GALK1: variants seen among roughly 807,000 people sequenced by gnomAD.
GALK1 encodes the protein galactokinase.
Under a neutral mutation model 38.6 loss-of-function variants are expected in GALK1, and 30 were observed. The ratio of observed to expected loss-of-function variants is 0.78; its 90% CI spans 0.58 to 1.05. The LOEUF is 1.05. Ranked by LOEUF, GALK1 falls within the 50% of genes least tolerant of loss-of-function variation. GALK1 has a pLI of 0.00. For synonymous variants in GALK1, 240 were observed against 233.6 expected (o/e 1.03, Z -0.25); for missense variants, 512 against 540.5 (o/e 0.95, Z 0.52).
Position 75,758,528 on chromosome 17 carries a change from C to T in GALK1, c.865G>A (p.Ala289Thr). 6.3e-7 allele frequency: 1 copy of T among 1,590,946 alleles called. No homozygotes were observed. Among genetic ancestry groups the T allele is most frequent in the Non-Finnish European group, 8.5e-7 (1 of 1,173,250 alleles). Residue 289 changes from alanine to threonine, a missense_variant, in exon 6 of 8, where the codon GCC becomes ACC. Physicochemically the swap from Ala to Thr is moderately conservative, Grantham distance 58. Transcript: ENST00000588479. ...CGTCTCAGGGCGGCCGCTGCCTGGG[C>T]CGTGCGCCGAATCTCCCCCACCACG... ...RHVVGEIRRT[A>T]QAAAALRRGD...
chr17:75,755,009 C>T, downstream of GALK1: 1 of 1,575,278 alleles, frequency 6.3e-7, no homozygotes, highest in Non-Finnish European at 8.6e-7. Context: ...TACACACATG[C>T]ATGCACACTC....
intron 1 of GALK1, 61 bp downstream of exon 1, chr17:75,764,911 G>T (rs1599336789): frequency 6.4e-7 from 1 of 1,557,030 alleles, no homozygotes; most frequent in Admixed American, 1.9e-5. Flanking sequence ...CCCGAGGCCC[G>T]CCCTCCTCGG....
At chr17:75,759,801 C>T (rs992870037) in intron 5 of GALK1, among the ~76,000 whole-genome samples, 3 of 152,170 alleles carry the variant, frequency 2.0e-5, no homozygotes, top group Non-Finnish European at 4.4e-5. Flanking sequence ...TCGGAGCTGT[C>T]TAGTGTCCCT....
chr17:75,758,058 A>G lies in GALK1; in HGVS notation c.1177T>C (p.Ter393ArgextTer?). ...CCGTGTGCTGTCCTGGGGGTGCCTC[A>G]CAAGCACAGCACCTTGGCTCCATCG... ...AADGAKVLCL[*>R] The change falls in exon 8 of 8, where the codon TGA (stop) becomes CGA (arginine). Residue 393 changes from the stop codon to arginine, a stop_lost. Coordinates refer to ENST00000588479, the MANE Select transcript of GALK1 (RefSeq NM_000154.2). 1 of 1,612,762 alleles carries G rather than the reference A, an allele frequency of 6.2e-7. No homozygotes were observed.
At chr17:75,756,334 T>C, downstream of GALK1, 1 of 1,392,770 alleles carries the variant, frequency 7.2e-7, no homozygotes, top group Non-Finnish European at 1.0e-6. Context: ...GGGTGGGTGA[T>C]AACTAGGTCT....
At chr17:75,752,488 G>GGGAGGACTA (rs2095287729) in intron 8 of GALK1, 1 of 1,613,562 alleles carries the variant, frequency 6.2e-7, no homozygotes. Flanking sequence ...GCCCAGAGCG[G>GGGAGGACTA]GGAGGACTAC....
intron 8 of GALK1, chr17:75,752,616 G>T (rs771169031): frequency 6.2e-7 from 1 of 1,612,190 alleles, no homozygotes; most frequent in Non-Finnish European, 8.5e-7. Flanking sequence ...GACAGTGGGG[G>T]TCTTGGGTAC....
In GALK1 at chr17:75,758,345, C is replaced by A; in HGVS notation, c.972G>T (p.Glu324Asp). The A allele has an allele frequency of 6.3e-7, 1 of 1,593,980 alleles. No homozygotes were observed. Among genetic ancestry groups the A allele is most frequent in the East Asian group, 2.3e-5 (1 of 44,094 alleles). Residue 324 changes from glutamate (E) to aspartate (D), a missense_variant, in exon 7 of 8, where the codon GAG becomes GAT. Transcript: ENST00000588479. The part of the protein sequence containing the change: ...LRDDYEVSCP[E>D]LDQLVEAALA... ...GCGCAGCCTCCACCAGCTGGTCCAG[C>A]TCTGGGCAGCTCACCTCATAGTCGT... is the stretch of plus-strand genomic sequence containing the variant.
chr17:75,762,868 A>G lies in GALK1; in HGVS notation c.629T>C (p.Leu210Pro). ...LIDCRSLETS[L>P]VPLSDPKLAV... ...CAGCTTGGGGTCCGAGAGTGGCACCAGGCTGGTCTCCAAGGACCTGGGGTG... is the reference window on the plus strand; with the variant it reads ...CAGCTTGGGGTCCGAGAGTGGCACCGGGCTGGTCTCCAAGGACCTGGGGTG... The change falls in exon 5 of 8, where the codon CTG (leucine) becomes CCG (proline). Residue 210 changes from leucine (L) to proline (P), a missense_variant. Coordinates refer to ENST00000588479, the MANE Select transcript of GALK1 (RefSeq NM_000154.2). 6.2e-7 allele frequency: 1 copy of G among 1,613,500 alleles called. No individual in the cohort carries two copies. Among genetic ancestry groups the G allele is most frequent in the Non-Finnish European group, 8.5e-7 (1 of 1,179,882 alleles).
intron 1 of GALK1, chr17:75,764,680 A>G (rs943944615): frequency 1.8e-6 from 1 of 564,924 alleles, no homozygotes; most frequent in African/African-American, 1.9e-5. Flanking sequence ...AGGGCCTCAC[A>G]GTTTAAGGGG....
intron 5 of GALK1, among the ~76,000 whole-genome samples, 189 bp from the exon 6 acceptor site, chr17:75,758,788 C>A (rs866238943): frequency 6.6e-6 from 1 of 152,188 alleles, no homozygotes; most frequent in African/African-American, 2.4e-5. Flanking sequence ...CCTCCTCCCC[C>A]GACTGTAAAA....
chr17:75,753,834 C>T (rs777012308), downstream of GALK1: 1 of 1,446,878 alleles, frequency 6.9e-7, no homozygotes, highest in East Asian at 2.8e-5. Context: ...TGGCGGCTGC[C>T]CCCGGAGCTC....
At chr17:75,753,020 C>G (rs1259908912), downstream of GALK1, among the ~76,000 whole-genome samples, 1 of 152,236 alleles carries the variant, frequency 6.6e-6, no homozygotes, top group African/African-American at 2.4e-5. Context: ...CTGCGGAGCC[C>G]TTAGCTGGGC....
chr17:75,754,709 A>G (rs2061446877), downstream of GALK1: 1 of 1,613,970 alleles, frequency 6.2e-7, no homozygotes, highest in African/African-American at 1.3e-5. Context: ...TGCTAAGCAC[A>G]TCCTCCACCC....
At chr17:75,762,915 C>CT in intron 4 of GALK1, 30 bp from the exon 5 acceptor site, 1 of 1,611,490 alleles carries the variant, frequency 6.2e-7, no homozygotes, top group Non-Finnish European at 8.5e-7. Flanking sequence ...GGGGAGATGA[C>CT]GAGGCCAAGC....
Position 75,758,118 on chromosome 17 carries a change from C to T in GALK1, c.1117G>A (p.Gly373Ser), listed in dbSNP as rs773416475. 78 of 1,612,548 alleles carry T rather than the reference C, an allele frequency of 4.8e-5. No individual in the cohort carries two copies. The highest frequency in any genetic ancestry group is 5.3e-5 in the Non-Finnish European group (63 of 1,179,950). Residue 373 changes from glycine (G) to serine (S), a missense_variant, in exon 8 of 8, where the codon GGC (glycine) becomes AGC (serine). Coordinates refer to ENST00000588479, the MANE Select transcript of GALK1 (RefSeq NM_000154.2). ...GAGAGGTAGAAGGTGGCAGTCCCGC[C>T]GTAGTGCTCCTGTAAGAGGCGGGCT... ...HAMRHIQEHY[G>S]GTATFYLSQA...
At chr17:75,760,399 T>A (rs1457320810) in intron 5 of GALK1, among the ~76,000 whole-genome samples, 1 of 150,540 alleles carries the variant, frequency 6.6e-6, no homozygotes, top group African/African-American at 2.4e-5. Flanking sequence ...GCACCCAGCC[T>A]ACAATACTTG....
chr17:75,753,849 C>T, downstream of GALK1: 1 of 1,400,946 alleles, frequency 7.1e-7, no homozygotes, highest in Non-Finnish European at 9.3e-7. Flanking sequence ...GAGCTCATCC[C>T]GCGCCTGTCG....
chr17:75,756,912 C>T (rs781446549), downstream of GALK1: 33 of 1,612,110 alleles, frequency 2.0e-5, no homozygotes, highest in African/African-American at 6.7e-5. Flanking sequence ...AAGAGGGGGC[C>T]GCAGACGCTG....
Sources: allele counts gnomAD v4.1 joint callset (sites outside exome capture counted in the v4.1 genomes callset), GRCh38; gene constraint gnomAD v4.1.1; transcripts MANE v1.5; gene names NCBI Gene and HGNC (gene_info 2026-07-23, HGNC 2026-07-21).